CNTNAP5: variants seen among roughly 807,000 people sequenced by gnomAD.
CNTNAP5 encodes the protein contactin associated protein family member 5.
Under a neutral mutation model 150.2 loss-of-function variants are expected in CNTNAP5, and 72 were observed. That is an observed-to-expected ratio of 0.48 (90% confidence interval 0.40 to 0.58). The LOEUF is 0.58. Ranked by LOEUF, CNTNAP5 falls within the 20% of genes least tolerant of loss-of-function variation. The pLI is 0.00. For synonymous variants in CNTNAP5, 672 were observed against 619.8 expected (o/e 1.08, Z -1.25); for missense variants, 1,636 against 1,626.2 (o/e 1.01, Z -0.10).
chr2:124,918,501 A>C lies in CNTNAP5; in HGVS notation c.*4213A>C, dbSNP rs1003869194. On this transcript the variant is annotated 3_prime_UTR_variant, in exon 24 of 24. Transcript: ENST00000682447. Reference sequence around the variant, plus strand: ...AAGTTAATTCAGTTAGAAGAGTTGCACTGGGAGGGTGCAAGCACAGCCAAC... The same window carrying C: ...AAGTTAATTCAGTTAGAAGAGTTGCCCTGGGAGGGTGCAAGCACAGCCAAC... 6.6e-6 allele frequency among the ~76,000 whole-genome samples: 1 copy of C among 152,088 alleles called. No homozygotes were observed. Among genetic ancestry groups the C allele is most frequent in the African/African-American group, 2.4e-5 (1 of 41,438 alleles).
intron 1 of CNTNAP5, among the ~76,000 whole-genome samples, chr2:124,186,599 A>T (rs561081478): frequency 6.6e-6 from 1 of 152,216 alleles, no homozygotes; most frequent in East Asian, 1.9e-4. Context: ...AGTTAAACTC[A>T]TCATCAAAAG....
At chr2:124,053,346 C>CT (rs1681759028) in intron 1 of CNTNAP5, among the ~76,000 whole-genome samples, 1 of 136,602 alleles carries the variant, frequency 7.3e-6, no homozygotes, top group Non-Finnish European at 1.6e-5. Flanking sequence ...TGTTCTGCTT[C>CT]CTTTTTCTGA....
intron 1 of CNTNAP5, among the ~76,000 whole-genome samples, chr2:124,102,055 T>C (rs974580891): frequency 6.6e-6 from 1 of 152,162 alleles, no homozygotes; most frequent in Non-Finnish European, 1.5e-5. Context: ...CCATTGCAGA[T>C]GTGGCTCTAT....
chr2:124,100,109 C>T (rs1683030106), intron 1 of CNTNAP5, among the ~76,000 whole-genome samples: 1 of 141,102 alleles, frequency 7.1e-6, no homozygotes, highest in Non-Finnish European at 1.6e-5. Flanking sequence ...TTGGGGAGGC[C>T]TCAGGAAGCT....
At chr2:124,548,658 G>A (rs1222167134) in intron 10 of CNTNAP5, among the ~76,000 whole-genome samples, 1 of 151,990 alleles carries the variant, frequency 6.6e-6, no homozygotes, top group Non-Finnish European at 1.5e-5. Flanking sequence ...AAAAAGGAAA[G>A]AGTGCAGGAA....
At chr2:124,434,086 G>A (rs1692462354) in intron 4 of CNTNAP5, among the ~76,000 whole-genome samples, 2 of 152,156 alleles carry the variant, frequency 1.3e-5, no homozygotes, top group South Asian at 2.1e-4. Context: ...CATCTCTAAT[G>A]TTGTGTCTGA....
At chr2:124,452,436 C>T (rs1268145761) in intron 6 of CNTNAP5, among the ~76,000 whole-genome samples, 1 of 152,118 alleles carries the variant, frequency 6.6e-6, no homozygotes, top group East Asian at 1.9e-4. Context: ...CCTTCCCCCA[C>T]CTAATGGTCC....
intron 3 of CNTNAP5, among the ~76,000 whole-genome samples, chr2:124,277,985 C>T (rs748609246): frequency 2.0e-5 from 3 of 152,154 alleles, no homozygotes; most frequent in Non-Finnish European, 4.4e-5. Context: ...ACAGCCACGT[C>T]ATTGTGTTAA....
chr2:124,774,864 C>G (rs1220184880), intron 17 of CNTNAP5, among the ~76,000 whole-genome samples: 1 of 152,078 alleles, frequency 6.6e-6, no homozygotes, highest in African/African-American at 2.4e-5. Flanking sequence ...TTGCGCAAGT[C>G]AAAAGGGAAA....
intron 1 of CNTNAP5, among the ~76,000 whole-genome samples, chr2:124,105,348 A>T (rs1394006602): frequency 6.6e-6 from 1 of 152,208 alleles, no homozygotes; most frequent in Non-Finnish European, 1.5e-5. Flanking sequence ...TACATGTATA[A>T]GAAATTTCTA....
At chr2:124,656,463 G>T (rs1485164133) in intron 13 of CNTNAP5, among the ~76,000 whole-genome samples, 1 of 152,164 alleles carries the variant, frequency 6.6e-6, no homozygotes, top group Non-Finnish European at 1.5e-5. Context: ...AATTTACAGT[G>T]CATGAAAGCC....
chr2:124,824,827 A>T (rs2104673331), intron 19 of CNTNAP5, among the ~76,000 whole-genome samples: 1 of 152,330 alleles, frequency 6.6e-6, no homozygotes, highest in East Asian at 1.9e-4. Flanking sequence ...CAGGACTGTC[A>T]CACAAGCAAA....
intron 1 of CNTNAP5, among the ~76,000 whole-genome samples, chr2:124,027,578 G>A (rs928541825): frequency 6.6e-6 from 1 of 152,178 alleles, no homozygotes; most frequent in East Asian, 1.9e-4. Context: ...TGGTTAATGT[G>A]TTTTAAAAAT....
intron 13 of CNTNAP5, among the ~76,000 whole-genome samples, chr2:124,653,921 C>CG (rs1233869844): frequency 7.1e-5 from 10 of 141,168 alleles, no homozygotes; most frequent in African/African-American, 2.6e-4. Context: ...ACCCCCCCCC[C>CG]CCGCCACACA....
intron 1 of CNTNAP5, among the ~76,000 whole-genome samples, chr2:124,036,213 C>T (rs916323187): frequency 3.3e-5 from 5 of 151,918 alleles, no homozygotes; most frequent in African/African-American, 9.7e-5. Flanking sequence ...CGTGAGCCAC[C>T]GCGCCCGGCC....
chr2:124,083,886 A>C (rs1682617951), intron 1 of CNTNAP5, among the ~76,000 whole-genome samples: 1 of 152,004 alleles, frequency 6.6e-6, no homozygotes, highest in African/African-American at 2.4e-5. Flanking sequence ...ACAATTAATT[A>C]CAGTTTTTGT....
intron 2 of CNTNAP5, among the ~76,000 whole-genome samples, chr2:124,232,880 G>T (rs1686658421): frequency 6.6e-6 from 1 of 152,014 alleles, no homozygotes; most frequent in Non-Finnish European, 1.5e-5. Flanking sequence ...AGAAAATCCA[G>T]CTCACACTGG....
intron 19 of CNTNAP5, among the ~76,000 whole-genome samples, chr2:124,825,464 C>T (rs188926630): frequency 7.2e-5 from 11 of 152,294 alleles, no homozygotes; most frequent in African/African-American, 2.4e-4. Context: ...ATGAACAGCA[C>T]CTTAGACAGT....
intron 13 of CNTNAP5, among the ~76,000 whole-genome samples, chr2:124,662,506 T>G (rs1295015241): frequency 6.6e-6 from 1 of 152,246 alleles, no homozygotes; most frequent in Non-Finnish European, 1.5e-5. Context: ...TAAATGTGTG[T>G]GTATTACAAC....
Sources: gnomAD v4.1 joint callset for allele counts (sites outside exome capture counted in the v4.1 genomes callset) on GRCh38, gnomAD v4.1.1 for gene constraint, MANE v1.5 for transcripts, NCBI Gene and HGNC (gene_info 2026-07-23, HGNC 2026-07-21) for gene names.